The following BACE2 variants were observed in gnomAD, a reference collection of about 807,000 sequenced individuals.
BACE2 encodes the protein beta-secretase 2.
Under a neutral mutation model 46.2 loss-of-function variants are expected in BACE2, and 17 were observed. The observed-to-expected ratio is 0.37, with a 90% confidence interval of 0.25 to 0.55. The LOEUF (loss-of-function observed/expected upper bound fraction) is 0.55, where lower values mean the gene tolerates loss of function less well. Ranked by LOEUF, BACE2 falls within the 20% of genes least tolerant of loss-of-function variation. BACE2 has a pLI of 0.82. For missense variants in BACE2, 595 were observed against 698.1 expected (o/e 0.85, Z 1.66); for synonymous variants, 277 against 295.9 (o/e 0.94, Z 0.66).
chr21:41,251,394 G>C (rs1011258269), intron 7 of BACE2, among the ~76,000 whole-genome samples: 1 of 152,232 alleles, frequency 6.6e-6, no homozygotes, highest in Non-Finnish European at 1.5e-5. Flanking sequence ...GCACTGGGAG[G>C]AGCCATGGAG....
intron 1 of BACE2, among the ~76,000 whole-genome samples, chr21:41,191,894 C>T (rs1450494039): frequency 6.6e-6 from 1 of 152,184 alleles, no homozygotes; most frequent in East Asian, 1.9e-4. Context: ...CAATTTTTGA[C>T]CACTCAGAGA....
chr21:41,209,709 C>T (rs1441884911), intron 1 of BACE2, among the ~76,000 whole-genome samples: 4 of 152,060 alleles, frequency 2.6e-5, no homozygotes, highest in East Asian at 1.9e-4. Flanking sequence ...GATTCTGCAG[C>T]GAACAAGAGG....
At chr21:41,215,565 T>C (rs1986439351) in intron 1 of BACE2, among the ~76,000 whole-genome samples, 2 of 152,204 alleles carry the variant, frequency 1.3e-5, no homozygotes, top group African/African-American at 4.8e-5. Flanking sequence ...GGTAGAAGAC[T>C]CCATCCAGCT....
At chr21:41,215,480 TCTGCC>T (rs1258380699) in intron 1 of BACE2, among the ~76,000 whole-genome samples, 1 of 152,176 alleles carries the variant, frequency 6.6e-6, no homozygotes, top group Non-Finnish European at 1.5e-5. Context: ...AAGACCCACA[TCTGCC>T]CTGCAAAGGC....
At chr21:41,186,900 G>A (rs1330483846) in intron 1 of BACE2, 1 of 152,342 alleles carries the variant, frequency 6.6e-6, no homozygotes, top group African/African-American at 2.4e-5. Flanking sequence ...TAGGGCCATT[G>A]GGTCATTGCC....
In BACE2 at chr21:41,221,782, A is replaced by C. The variant is rs559514794; in HGVS notation, c.313-4484A>C. 2.7e-3 allele frequency among the ~76,000 whole-genome samples: 403 copies of C among 149,500 alleles called. 1 individual carries two copies. The highest frequency in any genetic ancestry group is 0.021 in the Middle Eastern group (6 of 286). ...GGAGGAGCTTGCAGTGAGCTGAGAT[A>C]GAGCCACTGCACTCCAGCCTGGGTG... On this transcript the variant is annotated intron_variant, in intron 1 of 8. Coordinates refer to ENST00000330333, the MANE Select transcript of BACE2 (RefSeq NM_012105.5).
Position 41,278,133 on chromosome 21 carries a change from C to G in BACE2, c.*2509C>G, listed in dbSNP as rs2088510032. On this transcript the variant is annotated 3_prime_UTR_variant, in exon 9 of 9. Coordinates refer to ENST00000330333, the MANE Select transcript of BACE2 (RefSeq NM_012105.5). Reference sequence around the variant, plus strand: ...GGTGTCATTTTTACCTTGTAATACACTGTGGAAAATTCTGGAAGACGGTCC... The same window carrying G: ...GGTGTCATTTTTACCTTGTAATACAGTGTGGAAAATTCTGGAAGACGGTCC... 1 of 152,190 alleles carries G rather than the reference C, an allele frequency of 6.6e-6. No homozygotes were observed. The highest frequency in any genetic ancestry group is 6.5e-5 in the Admixed American group (1 of 15,282). 9.4% of individuals were successfully genotyped at this position (152,190 alleles called of 1,614,324 possible). A position where few individuals can be genotyped will look rare whatever the true frequency, so the allele number is the denominator to read the frequency against.
intron 1 of BACE2, chr21:41,184,802 C>T (rs1222477339): frequency 6.0e-6 from 1 of 167,016 alleles, no homozygotes. Context: ...TTATGCATGG[C>T]ATTCTAATGC....
intron 7 of BACE2, 45 bp from the exon 8 acceptor site, chr21:41,257,113 T>C: frequency 6.2e-7 from 1 of 1,611,760 alleles, no homozygotes; most frequent in Admixed American, 1.7e-5. Context: ...ACTGCCTGAT[T>C]TGTGCTTTTT....
At chr21:41,262,425 T>G (rs1987963240) in intron 8 of BACE2, among the ~76,000 whole-genome samples, 1 of 152,184 alleles carries the variant, frequency 6.6e-6, no homozygotes, top group Admixed American at 6.5e-5. Flanking sequence ...TCGGCTAAGC[T>G]ATATAGTTTT....
rs953084990 is a variant in BACE2, at chr21:41,279,332, G to C, written c.*3708G>C. 1 of 152,136 alleles carries C rather than the reference G, an allele frequency of 6.6e-6. No homozygotes were observed. The highest frequency in any genetic ancestry group is 2.4e-5 in the African/African-American group (1 of 41,420). The allele number at this position is 152,136 out of a possible 1,614,324, so 9.4% of individuals were successfully genotyped here. On this transcript the variant is annotated 3_prime_UTR_variant, in exon 9 of 9. Transcript: ENST00000330333. The stretch of plus-strand genomic sequence containing the variant: ...CAGTTTAGGCCAGGCACGGTAGCTC[G>C]TGCCTGTAATCCCAGCACTTTGGGA...
intron 1 of BACE2, 39 bp downstream of exon 1, chr21:41,168,614 C>A: frequency 7.8e-7 from 1 of 1,280,894 alleles, no homozygotes; most frequent in Non-Finnish European, 9.9e-7. Context: ...TTTTCGGGCT[C>A]GTTGGAGGGA....
At chr21:41,250,947 G>T in intron 7 of BACE2, 46 bp downstream of exon 7, 1 of 1,580,922 alleles carries the variant, frequency 6.3e-7, no homozygotes. Context: ...ATGCAAAAGA[G>T]AAAGCACTCC....
intron 1 of BACE2, among the ~76,000 whole-genome samples, chr21:41,191,764 C>T (rs963640675): frequency 3.3e-5 from 5 of 152,250 alleles, no homozygotes; most frequent in African/African-American, 1.2e-4. Context: ...ACGGGGGTGG[C>T]TGGGGAAAGA....
chr21:41,179,532 GGAGTGAGGGTGTCAGGGT>G (rs1197910761), intron 1 of BACE2: 2 of 1,362,160 alleles, frequency 1.5e-6, no homozygotes, highest in Admixed American at 1.9e-5. Context: ...TCCAGGGTGA[GGAGTGAGGGTGTCAGGGT>G]GAGTGAGGGT....
intron 8 of BACE2, among the ~76,000 whole-genome samples, chr21:41,259,790 GTTTC>G (rs1568890844): frequency 2.0e-5 from 3 of 151,436 alleles, no homozygotes; most frequent in East Asian, 1.9e-4. Flanking sequence ...ACCTTCTGCA[GTTTC>G]TTTCTTTCTT....
chr21:41,225,948 A>G (rs1342188953), intron 1 of BACE2, among the ~76,000 whole-genome samples: 1 of 152,158 alleles, frequency 6.6e-6, no homozygotes, highest in Non-Finnish European at 1.5e-5. Flanking sequence ...CAGAGATAAG[A>G]AAGAGCTCAG....
At chr21:41,230,051 C>T (rs1428087481) in intron 2 of BACE2, 1 of 152,222 alleles carries the variant, frequency 6.6e-6, no homozygotes, top group African/African-American at 2.4e-5. Context: ...ATTCAGTGTA[C>T]CTTCCTTATT....
At chr21:41,227,619 G>A (rs1328042652) in intron 2 of BACE2, among the ~76,000 whole-genome samples, 19 of 152,208 alleles carry the variant, frequency 1.2e-4, no homozygotes, top group Admixed American at 1.2e-3. Flanking sequence ...TGGGGAGAGG[G>A]CTGTGGTGGC....
Sources: allele counts gnomAD v4.1 joint callset (sites outside exome capture counted in the v4.1 genomes callset), GRCh38; gene constraint gnomAD v4.1.1; transcripts MANE v1.5; gene names NCBI Gene and HGNC (gene_info 2026-07-23, HGNC 2026-07-21).